Variants in CDH5 observed in about 807,000 individuals in gnomAD.
CDH5 encodes cadherin-5.
Under a neutral mutation model 62.0 loss-of-function variants are expected in CDH5, and 28 were observed. The observed-to-expected ratio is 0.45, with a 90% CI of 0.33 to 0.62. The LOEUF (loss-of-function observed/expected upper bound fraction) is 0.62. CDH5 is among the 20% of genes least tolerant of loss of function. The pLI, the probability that CDH5 is intolerant of heterozygous loss-of-function variation, is 0.02. For synonymous variants in CDH5, 464 were observed against 445.8 expected (o/e 1.04, Z -0.52); for missense variants, 940 against 1,065.1 (o/e 0.88, Z 1.63).
At chr16:66,398,267 A>T (rs1051362412) in intron 9 of CDH5, among the ~76,000 whole-genome samples, 161 bp downstream of exon 9, 1 of 152,186 alleles carries the variant, frequency 6.6e-6, no homozygotes, top group African/African-American at 2.4e-5. Context: ...CTCAGAGGGA[A>T]TATATGGGGA....
chr16:66,385,884 T>C (rs1284013143), intron 2 of CDH5, among the ~76,000 whole-genome samples: 2 of 152,214 alleles, frequency 1.3e-5, no homozygotes, highest in Non-Finnish European at 2.9e-5. Flanking sequence ...TTCCTGAAAA[T>C]TTAAGCTGGT....
intron 10 of CDH5, among the ~76,000 whole-genome samples, chr16:66,399,697 A>G (rs1199939430): frequency 6.6e-6 from 1 of 152,212 alleles, no homozygotes; most frequent in Non-Finnish European, 1.5e-5. Context: ...GGGATCTGCA[A>G]TACAGTAGAA....
rs752514304 is a variant in CDH5 at position 66,403,174 on chromosome 16, C to T, written c.*5C>T. ...CGGGAGGAGCTGCTGTATTAGGCGG[C>T]CGAGGTCACTCTGGGCCTGGGGACC... On this transcript the variant is annotated 3_prime_UTR_variant, in exon 12 of 12. Transcript: ENST00000341529. The surrounding 1 kb of genome is among the most constrained non-coding windows in gnomAD (Gnocchi z 4.3). 3 of 1,604,562 alleles carry T rather than the reference C, an allele frequency of 1.9e-6. No individual in the cohort carries two copies. Among genetic ancestry groups the T allele is most frequent in the Non-Finnish European group, 2.5e-6 (3 of 1,176,518 alleles).
intron 7 of CDH5, chr16:66,392,800 CAA>C: frequency 5.5e-6 from 1 of 183,046 alleles, no homozygotes; most frequent in East Asian, 1.5e-4. Context: ...TACAGTGAAA[CAA>C]CACAGAGATC....
chr16:66,403,100 C>G lies in CDH5; in HGVS notation c.2286C>G (p.Asp762Glu), dbSNP rs199591332. 39 of 1,613,700 alleles carry G rather than the reference C, an allele frequency of 2.4e-5. No individual in the cohort carries two copies. The highest frequency in any genetic ancestry group is 2.5e-6 in the Non-Finnish European group (3 of 1,179,960). The change falls in exon 12 of 12, where the codon GAC becomes GAG. Residue 762 changes from aspartate (D) to glutamate (E), a missense_variant. Physicochemically the swap from Asp to Glu is conservative, Grantham distance 45 (BLOSUM62 2). Transcript: ENST00000341529. This position sits in a 1 kb window ranked among gnomAD's most constrained non-coding sequence, Gnocchi z 4.3. ...DSDVDYDFLN[D>E]WGPRFKMLAE... ...ACGTGGATTACGACTTCCTTAACGA[C>G]TGGGGACCCAGGTTTAAGATGCTGG...
chr16:66,378,575 C>G (rs1267936970), intron 1 of CDH5, among the ~76,000 whole-genome samples: 1 of 152,230 alleles, frequency 6.6e-6, no homozygotes, highest in African/African-American at 2.4e-5. Context: ...AACTTAACAT[C>G]TGTGTGCCTC....
At chr16:66,381,457 G>A (rs1345337820) in intron 2 of CDH5, among the ~76,000 whole-genome samples, 2 of 152,238 alleles carry the variant, frequency 1.3e-5, no homozygotes, top group East Asian at 1.9e-4. Context: ...GGCCCTAGTA[G>A]TGGAATTTCA....
At chr16:66,370,004 G>A (rs1320556685) in intron 1 of CDH5, among the ~76,000 whole-genome samples, 2 of 152,016 alleles carry the variant, frequency 1.3e-5, no homozygotes, top group South Asian at 2.1e-4. Flanking sequence ...TTGTTTGTTT[G>A]TTTGTTTGTT....
Position 66,398,052 on chromosome 16 carries a change from G to A in CDH5, c.1431G>A (p.Pro477=), listed in dbSNP as rs146559931. 176 of 1,614,044 alleles carry A rather than the reference G, an allele frequency of 1.1e-4. No individual in the cohort carries two copies. Among genetic ancestry groups the A allele is most frequent in the African/African-American group, 2.0e-4 (15 of 74,910 alleles). Residue 477 remains proline (P), a synonymous_variant, in exon 9 of 12, where the codon CCG becomes CCA. Transcript: ENST00000341529. ...IEVLDENDNA[P]EFAKPYQPKV... ...TTTTGGATGAGAATGACAATGCCCC[G>A]GAGTTTGCCAAGCCCTACCAGCCCA... is the stretch of plus-strand genomic sequence containing the variant.
At chr16:66,392,775 G>A in intron 7 of CDH5, 1 of 207,104 alleles carries the variant, frequency 4.8e-6, no homozygotes, top group South Asian at 1.0e-4. Context: ...ACAAAAGTAA[G>A]AAGTGTTCAT....
intron 5 of CDH5, among the ~76,000 whole-genome samples, chr16:66,390,201 A>G (rs1028576260): frequency 6.6e-6 from 1 of 152,178 alleles, no homozygotes; most frequent in South Asian, 2.1e-4. Flanking sequence ...CTCAATAGCT[A>G]TTTATTGGAT....
chr16:66,372,134 C>A (rs989129320), intron 1 of CDH5, among the ~76,000 whole-genome samples: 1 of 152,214 alleles, frequency 6.6e-6, no homozygotes, highest in Non-Finnish European at 1.5e-5. Flanking sequence ...CTGTGGTCCT[C>A]AGACCCATCA....
chr16:66,394,392 G>T (rs1286139474), intron 7 of CDH5, among the ~76,000 whole-genome samples: 4 of 152,080 alleles, frequency 2.6e-5, no homozygotes, highest in Non-Finnish European at 5.9e-5. Context: ...GAATGCATTT[G>T]GCTTTGCTTT....
At chr16:66,401,757 C>T (rs1961286166) in intron 11 of CDH5, among the ~76,000 whole-genome samples, 1 of 152,184 alleles carries the variant, frequency 6.6e-6, no homozygotes, top group Non-Finnish European at 1.5e-5. Flanking sequence ...GGGGCCACCC[C>T]CCAGCATCAT....
chr16:66,391,827 C>T (rs748793216), intron 6 of CDH5, among the ~76,000 whole-genome samples: 9 of 152,160 alleles, frequency 5.9e-5, no homozygotes, highest in Non-Finnish European at 1.3e-4. Flanking sequence ...CCACTAGTGA[C>T]GCTCTTAAGA....
chr16:66,376,339 T>C (rs919064632), intron 1 of CDH5: 2 of 152,116 alleles, frequency 1.3e-5, no homozygotes, highest in Admixed American at 1.3e-4. Context: ...GACCAAACAG[T>C]CATTTTGCAG....
At position 66,392,380 on chromosome 16, in the gene CDH5, T is replaced by C. The variant is rs779671536; in HGVS notation, c.1214T>C (p.Ile405Thr). The part of the protein sequence containing the change: ...AMDPDAARHS[I>T]GYSIRRTSDK... Reference sequence around the variant, plus strand: ...GACCCTGATGCGGCTAGGCATAGCATTGGGTAAGGGGGCGTGTGTCGATGA... The same window carrying C: ...GACCCTGATGCGGCTAGGCATAGCACTGGGTAAGGGGGCGTGTGTCGATGA... Residue 405 changes from isoleucine (I) to threonine (T), a missense_variant, in exon 7 of 12, where the codon ATT becomes ACT. Ile to Thr is a moderately conservative substitution (Grantham distance 89). Coordinates refer to ENST00000341529, the MANE Select transcript of CDH5 (RefSeq NM_001795.5). 3 of 1,613,984 alleles carry C rather than the reference T, an allele frequency of 1.9e-6. No homozygotes were observed. The highest frequency in any genetic ancestry group is 3.3e-5 in the Admixed American group (2 of 60,008).
rs139768591 is a variant in CDH5 at position 66,391,630 on chromosome 16, G to A, written c.970-506G>A. ...TCTACTAAAAATACCAAAATTAGCT[G>A]GGCGTGGTGGCAGGTGCCTGTAATC... On this transcript the variant is annotated intron_variant, in intron 6 of 11. Transcript: ENST00000341529. 3.4e-3 allele frequency among the ~76,000 whole-genome samples: 515 copies of A among 152,226 alleles called. 1 individual carries two copies. Among genetic ancestry groups the A allele is most frequent in the African/African-American group, 0.011 (445 of 41,534 alleles).
In CDH5 at chr16:66,404,552, T is replaced by C. The variant is rs1961354474; in HGVS notation, c.*1383T>C. On this transcript the variant is annotated 3_prime_UTR_variant, in exon 12 of 12. Transcript: ENST00000341529. ...TTTTTACTAATGATACTTACAAGTT[T>C]CTAGCTCTCACAGACATATAGAATA... 1 of 152,332 alleles carries C rather than the reference T, an allele frequency of 6.6e-6. No individual in the cohort carries two copies. Among genetic ancestry groups the C allele is most frequent in the Non-Finnish European group, 1.5e-5 (1 of 68,056 alleles). The allele number at this position is 152,332 out of a possible 1,614,324, so 9.4% of individuals were successfully genotyped here. A position where few individuals can be genotyped will look rare whatever the true frequency, so the allele number is the denominator to read the frequency against.
Sources: gnomAD v4.1 joint callset for allele counts (sites outside exome capture counted in the v4.1 genomes callset) on GRCh38, gnomAD v4.1.1 for gene constraint, Gnocchi (gnomAD v3.1) non-coding constraint, MANE v1.5 for transcripts, NCBI Gene and HGNC (gene_info 2026-07-23, HGNC 2026-07-21) for gene names.